MACROD2: variants seen among roughly 807,000 people sequenced by gnomAD.
MACROD2 encodes ADP-ribose glycohydrolase MACROD2.
In MACROD2, 36 loss-of-function variants were observed where a neutral mutation model predicts 70.4. The ratio of observed to expected loss-of-function variants is 0.51; its 90% confidence interval spans 0.39 to 0.68. The LOEUF is 0.68. MACROD2 is among the 30% of genes least tolerant of loss of function. The pLI is 0.00. For missense variants in MACROD2, 496 were observed against 538.4 expected, an observed-to-expected ratio of 0.92 and a Z score of 0.78; for synonymous variants, 172 against 178.8, an observed-to-expected ratio of 0.96 and a Z score of 0.30.
intron 6 of MACROD2, among the ~76,000 whole-genome samples, chr20:15,284,065 T>A (rs6043171): frequency 0.5 from 75,278 of 151,966 alleles, 19,264 homozygotes; most frequent in African/African-American, 0.61. Context: ...ACACTGAAAA[T>A]TTAATATTAA....
intron 8 of MACROD2, among the ~76,000 whole-genome samples, chr20:15,742,385 G>C (rs2051118838): frequency 6.6e-6 from 1 of 152,136 alleles, no homozygotes; most frequent in Admixed American, 6.6e-5. Context: ...TAGAAAACAT[G>C]TTTCCCTCAA....
chr20:14,453,839 A>G (rs1385927603), intron 3 of MACROD2, among the ~76,000 whole-genome samples: 4 of 151,980 alleles, frequency 2.6e-5, no homozygotes, highest in African/African-American at 9.7e-5. Context: ...TTTGCTTCTT[A>G]TATTTAACAG....
At chr20:16,021,731 G>A (rs986380876) in intron 15 of MACROD2, among the ~76,000 whole-genome samples, 1 of 152,194 alleles carries the variant, frequency 6.6e-6, no homozygotes, top group East Asian at 1.9e-4. Flanking sequence ...GAATCGCAAT[G>A]AGGTTAAATA....
intron 17 of MACROD2, 68 bp from the exon 18 acceptor site, chr20:16,049,762 G>T: frequency 6.5e-7 from 1 of 1,528,556 alleles, no homozygotes; most frequent in Non-Finnish European, 9.0e-7. Flanking sequence ...TATTAAAAAT[G>T]TATTCCTTGC....
intron 4 of MACROD2, among the ~76,000 whole-genome samples, chr20:14,563,138 T>C (rs1039723423): frequency 2.6e-5 from 4 of 151,816 alleles, no homozygotes; most frequent in African/African-American, 9.7e-5. Context: ...GCCCTCCTAA[T>C]TGATTTTCCA....
intron 8 of MACROD2, among the ~76,000 whole-genome samples, chr20:15,599,397 A>G (rs1241524551): frequency 6.6e-6 from 1 of 152,082 alleles, no homozygotes; most frequent in South Asian, 2.1e-4. Flanking sequence ...TCTCAAAAAA[A>G]AAAGTGTTTA....
At chr20:14,594,816 C>A (rs6042806) in intron 4 of MACROD2, among the ~76,000 whole-genome samples, 2 of 152,088 alleles carry the variant, frequency 1.3e-5, no homozygotes, top group African/African-American at 4.8e-5. Flanking sequence ...CGCTTGAACC[C>A]GGGAAGCGGA....
intron 5 of MACROD2, among the ~76,000 whole-genome samples, chr20:14,772,671 A>C (rs2072184423): frequency 6.6e-6 from 1 of 152,128 alleles, no homozygotes; most frequent in African/African-American, 2.4e-5. Flanking sequence ...ACACAGAGCC[A>C]AACCATAGCA....
chr20:15,743,478 G>T (rs2051135320), intron 8 of MACROD2, among the ~76,000 whole-genome samples: 1 of 152,134 alleles, frequency 6.6e-6, no homozygotes, highest in Non-Finnish European at 1.5e-5. Flanking sequence ...TAGCAGTCAA[G>T]ACCTCAATTT....
intron 3 of MACROD2, chr20:14,325,906 C>T (rs781339838): frequency 6.2e-7 from 1 of 1,613,932 alleles, no homozygotes. Context: ...CACAGCCCCA[C>T]CAATGATGGC....
intron 8 of MACROD2, among the ~76,000 whole-genome samples, chr20:15,704,729 T>C (rs1279932168): frequency 6.6e-6 from 1 of 152,108 alleles, no homozygotes; most frequent in African/African-American, 2.4e-5. Context: ...GGACATAAAA[T>C]AGAATAGGAG....
intron 8 of MACROD2, among the ~76,000 whole-genome samples, chr20:15,598,481 G>A (rs942064546): frequency 3.3e-5 from 5 of 152,150 alleles, no homozygotes; most frequent in African/African-American, 1.2e-4. Flanking sequence ...AGGTTATCCT[G>A]CCAACCCACC....
intron 15 of MACROD2, among the ~76,000 whole-genome samples, chr20:16,014,325 A>G (rs1459754427): frequency 6.6e-6 from 1 of 152,144 alleles, no homozygotes; most frequent in Non-Finnish European, 1.5e-5. Flanking sequence ...GGTGTTTACT[A>G]TTGTTATGAG....
At chr20:15,719,719 A>T (rs144814298) in intron 8 of MACROD2, among the ~76,000 whole-genome samples, 4 of 152,302 alleles carry the variant, frequency 2.6e-5, no homozygotes, top group African/African-American at 9.6e-5. Context: ...ATGTTTTGAT[A>T]CAGGTATGCA....
intron 6 of MACROD2, among the ~76,000 whole-genome samples, chr20:15,429,008 G>A (rs1380923151): frequency 6.6e-6 from 1 of 152,072 alleles, no homozygotes; most frequent in Admixed American, 6.5e-5. Flanking sequence ...CTACTTAAAA[G>A]GTACAGTGGA....
At chr20:14,600,922 A>T (rs1009126382) in intron 4 of MACROD2, among the ~76,000 whole-genome samples, 1 of 152,146 alleles carries the variant, frequency 6.6e-6, no homozygotes, top group Non-Finnish European at 1.5e-5. Context: ...TATATAGAAA[A>T]TTCCATGGCA....
chr20:15,146,328 T>C (rs577631843), intron 5 of MACROD2, among the ~76,000 whole-genome samples: 10 of 152,288 alleles, frequency 6.6e-5, no homozygotes, highest in African/African-American at 2.4e-4. Flanking sequence ...GTGTTGAGTG[T>C]TCTGATCCTT....
At chr20:14,236,014 G>A (rs1314982116) in intron 3 of MACROD2, among the ~76,000 whole-genome samples, 1 of 152,018 alleles carries the variant, frequency 6.6e-6, no homozygotes, top group Non-Finnish European at 1.5e-5. Flanking sequence ...TAAACTGAGA[G>A]GCTTGACTGA....
At chr20:15,504,650 C>T (rs971854106) in intron 8 of MACROD2, among the ~76,000 whole-genome samples, 3 of 152,122 alleles carry the variant, frequency 2.0e-5, no homozygotes, top group Admixed American at 6.5e-5. Flanking sequence ...GAAGATTACC[C>T]ACTGGCATTT....
Sources: allele counts gnomAD v4.1 joint callset (sites outside exome capture counted in the v4.1 genomes callset), GRCh38; gene constraint gnomAD v4.1.1; transcripts MANE v1.5; gene names NCBI Gene and HGNC (gene_info 2026-07-23, HGNC 2026-07-21).